SFPQ: variants seen among roughly 807,000 people sequenced by gnomAD.
SFPQ encodes splicing factor, proline- and glutamine-rich.
SFPQ carries 11 observed loss-of-function variants against 72.9 expected under a neutral mutation model. The ratio of observed to expected loss-of-function variants is 0.15; its 90% CI spans 0.09 to 0.25. The LOEUF (loss-of-function observed/expected upper bound fraction) is 0.25, where lower values mean the gene tolerates loss of function less well. SFPQ is among the 10% of genes least tolerant of loss of function. SFPQ has a pLI of 1.00. For missense variants in SFPQ, 847 were observed against 993.3 expected, an observed-to-expected ratio of 0.85 and a Z score of 1.98; for synonymous variants, 506 against 367.3, an observed-to-expected ratio of 1.38 and a Z score of -4.32.
Position 35,183,131 on chromosome 1 carries a change from TC to T in SFPQ, c.*1324del, listed in dbSNP as rs1325967036. 1 of 1,027,352 alleles carries T rather than the reference TC, an allele frequency of 9.7e-7. No homozygotes were observed. Among genetic ancestry groups the T allele is most frequent in the Non-Finnish European group, 1.2e-6 (1 of 855,314 alleles). The allele number at this position is 1,027,352 out of a possible 1,614,324, so 63.6% of individuals were successfully genotyped here. On this transcript the variant is annotated 3_prime_UTR_variant, in exon 10 of 10. Transcript: ENST00000357214. Reference sequence around the variant, plus strand: ...GAAGAGAACCAATAGATTTTTATAGTCCTATAGATTTTGCCCAACAGAAGTA... The same window carrying T: ...GAAGAGAACCAATAGATTTTTATAGTCTATAGATTTTGCCCAACAGAAGTA...
rs1639625495 is a variant in SFPQ at position 35,184,566 on chromosome 1, C to A, written c.2014G>T (p.Ala672Ser). Residue 672 changes from alanine (A) to serine (S), a missense_variant, in exon 10 of 10, where the codon GCG (alanine) becomes TCG (serine). Physicochemically the swap from Ala to Ser is moderately conservative, Grantham distance 99 (BLOSUM62 1). Transcript: ENST00000357214. ...MRTERFGQGGAGPVGGQGPRG... is the reference protein window; with the variant it reads ...MRTERFGQGGSGPVGGQGPRG... Reference sequence around the variant, plus strand: ...GGACCCTGTCCACCCACAGGCCCCGCACCTCCCTGCCCAAAGCGCTCAGTA... The same window carrying A: ...GGACCCTGTCCACCCACAGGCCCCGAACCTCCCTGCCCAAAGCGCTCAGTA... The A allele has an allele frequency of 1.9e-6, 3 of 1,608,610 alleles. No homozygotes were observed. The African/African-American group carries it at 4.0e-5, about 22-fold the overall frequency.
intron 4 of SFPQ, 79 bp from the exon 5 acceptor site, chr1:35,189,461 T>C (rs1639888334): frequency 8.6e-7 from 1 of 1,156,474 alleles, no homozygotes; most frequent in Non-Finnish European, 1.2e-6. Flanking sequence ...CTGATCTTTT[T>C]CCTGTTCTAT....
At chr1:35,182,245 TCCCTA>T (rs1639499147), downstream of SFPQ, 2 of 984,702 alleles carry the variant, frequency 2.0e-6, no homozygotes, top group African/African-American at 3.5e-5. Flanking sequence ...TTTAGTAGAG[TCCCTA>T]CTATATAATT....
intron 4 of SFPQ, among the ~76,000 whole-genome samples, chr1:35,189,584 T>C (rs769482443): frequency 2.6e-5 from 4 of 152,218 alleles, no homozygotes; most frequent in Non-Finnish European, 4.4e-5. Context: ...AGATAAATCC[T>C]ACCTTCCTCG....
chr1:35,191,431 C>A lies in SFPQ; in HGVS notation c.927G>T (p.Thr309=), dbSNP rs1189406342. Residue 309 remains threonine, a synonymous_variant, in exon 2 of 10, where the codon ACG becomes ACT. Transcript: ENST00000357214. ...LFVGNLPADI[T]EDEFKRLFAK... ...CAAATAGTCTTTTGAATTCATCCTC[C>A]GTGATATCAGCAGGTAGATTCCCAA... The A allele has an allele frequency of 1.2e-6, 2 of 1,613,910 alleles. No homozygotes were observed. Among genetic ancestry groups the A allele is most frequent in the African/African-American group, 2.7e-5 (2 of 74,926 alleles).
chr1:35,185,304 T>C (rs1472217261), intron 9 of SFPQ, among the ~76,000 whole-genome samples: 1 of 152,218 alleles, frequency 6.6e-6, no homozygotes, highest in African/African-American at 2.4e-5. Context: ...TTCTCAGTAC[T>C]ATTCTATATT....
rs769822189 is a variant in SFPQ, at chr1:35,190,426, G to A, written c.1415+72C>T. 4.3e-4 allele frequency: 465 copies of A among 1,092,332 alleles called. 1 individual carries two copies. Among genetic ancestry groups the A allele is most frequent in the Middle Eastern group, 1.6e-3 (7 of 4,270 alleles). The allele number at this position is 1,092,332 out of a possible 1,614,324, so 67.7% of individuals were successfully genotyped here. The stretch of plus-strand genomic sequence containing the variant: ...AATTTTGCATATTTTAAGCAAAATT[G>A]GAAAATCACTAAAATAAATTTAACC... On this transcript the variant is annotated intron_variant, in intron 4 of 9. Transcript: ENST00000357214.
Position 35,183,252 on chromosome 1 carries a change from GCT to G in SFPQ, c.*1202_*1203del. 2 of 849,336 alleles carry G rather than the reference GCT, an allele frequency of 2.4e-6. No homozygotes were observed. Among genetic ancestry groups the G allele is most frequent in the Non-Finnish European group, 2.9e-6 (2 of 699,020 alleles). 52.6% of individuals were successfully genotyped at this position (849,336 alleles called of 1,614,324 possible). A position where few individuals can be genotyped will look rare whatever the true frequency, so the allele number is the denominator to read the frequency against. Reference sequence around the variant, plus strand: ...TTTTTTTTTTTTGAGACAGAGTCTCGCTCTGTTGTCCAGGCTGGAGTGCAGTG... The same window carrying G: ...TTTTTTTTTTTTGAGACAGAGTCTCGCTGTTGTCCAGGCTGGAGTGCAGTG... On this transcript the variant is annotated 3_prime_UTR_variant, in exon 10 of 10. Transcript: ENST00000357214.
Position 35,191,488 on chromosome 1 carries a change from C to G in SFPQ, c.870G>C (p.Glu290Asp). ...ANLSLLRRPG[E>D]KTYTQRCRLF... ...ACCGACATCGCTGTGTGTAAGTTTTCTCTCCAGGCCTCCTCAAGAGAGACA... is the reference window on the plus strand; with the variant it reads ...ACCGACATCGCTGTGTGTAAGTTTTGTCTCCAGGCCTCCTCAAGAGAGACA... The change falls in exon 2 of 10, where the codon GAG (glutamate) becomes GAC (aspartate). Residue 290 changes from glutamate to aspartate, a missense_variant. By Grantham distance (45) the Glu-to-Asp change is conservative. Transcript: ENST00000357214. 1 of 1,614,116 alleles carries G rather than the reference C, an allele frequency of 6.2e-7. No homozygotes were observed. The highest frequency in any genetic ancestry group is 8.5e-7 in the Non-Finnish European group (1 of 1,180,012).
At chr1:35,182,665 CAAGAA>C (rs1286070992), downstream of SFPQ, 13 of 985,258 alleles carry the variant, frequency 1.3e-5, no homozygotes, top group African/African-American at 1.7e-5. Context: ...CAATTAGCAC[CAAGAA>C]AAGAGGTGAA....
In SFPQ at chr1:35,191,338, C is replaced by T. The variant is rs1639987788; in HGVS notation, c.1017+3G>A. 1 of 1,612,628 alleles carries T rather than the reference C, an allele frequency of 6.2e-7. No homozygotes were observed. Among genetic ancestry groups the T allele is most frequent in the African/African-American group, 1.3e-5 (1 of 74,978 alleles). ...CTACGTAAAATCAAACAATTACACT[C>T]ACAAGCTTAATAAATCCGAATCCTT... On this transcript the variant is annotated splice_donor_region_variant and intron_variant, in intron 2 of 9. Coordinates refer to ENST00000357214, the MANE Select transcript of SFPQ (RefSeq NM_005066.3).
At chr1:35,178,514 A>C, downstream of SFPQ, 1 of 1,062,286 alleles carries the variant, frequency 9.4e-7, no homozygotes, top group Non-Finnish European at 1.1e-6. Flanking sequence ...CCCACAGTAC[A>C]CAACGCTGTA....
In SFPQ at chr1:35,193,058, T is replaced by A; in HGVS notation, c.-9A>T. 6.4e-7 allele frequency: 1 copy of A among 1,552,678 alleles called. No individual in the cohort carries two copies. Among genetic ancestry groups the A allele is most frequent in the Non-Finnish European group, 8.6e-7 (1 of 1,159,036 alleles). ...AACCGATCCCGAGACATGTCTGTGG[T>A]CAAGGGGCGGTCGAGGCAAAAGCGA... On this transcript the variant is annotated 5_prime_UTR_variant, in exon 1 of 10. Coordinates refer to ENST00000357214, the MANE Select transcript of SFPQ (RefSeq NM_005066.3).
intron 9 of SFPQ, 37 bp downstream of exon 9, chr1:35,186,964 G>GA (rs775008336): frequency 1.3e-6 from 2 of 1,570,328 alleles, no homozygotes; most frequent in East Asian, 4.5e-5. Flanking sequence ...GTGAAAATGA[G>GA]AATTTCCTTG....
At chr1:35,182,619 T>G, downstream of SFPQ, 1 of 985,426 alleles carries the variant, frequency 1.0e-6, no homozygotes, top group Non-Finnish European at 1.2e-6. Flanking sequence ...AACTTCAGCA[T>G]GTTAATAAAG....
chr1:35,185,842 T>C (rs1639688832), intron 9 of SFPQ, among the ~76,000 whole-genome samples: 1 of 152,208 alleles, frequency 6.6e-6, no homozygotes, highest in African/African-American at 2.4e-5. Context: ...TTCATAATTA[T>C]GTTAATTACA....
downstream of SFPQ, chr1:35,179,424 C>A (rs1040961082): frequency 1.9e-6 from 2 of 1,055,566 alleles, no homozygotes; most frequent in African/African-American, 1.7e-5. Flanking sequence ...CCTAACAGTA[C>A]GAAAATACAT....
At chr1:35,191,049 C>T (rs191373525) in intron 2 of SFPQ, 54 bp from the exon 3 acceptor site, 5 of 1,460,310 alleles carry the variant, frequency 3.4e-6, no homozygotes, top group Admixed American at 1.9e-5. Context: ...GATGTCTACT[C>T]TTAAATTGTC....
At chr1:35,191,682 A>C (rs937527021) in intron 1 of SFPQ, among the ~76,000 whole-genome samples, 153 bp from the exon 2 acceptor site, 1 of 152,210 alleles carries the variant, frequency 6.6e-6, no homozygotes, top group African/African-American at 2.4e-5. Context: ...TAACATGAGC[A>C]CTATCTTAAC....
Sources: allele counts gnomAD v4.1 joint callset (sites outside exome capture counted in the v4.1 genomes callset), GRCh38; gene constraint gnomAD v4.1.1; transcripts MANE v1.5; gene names NCBI Gene and HGNC (gene_info 2026-07-23, HGNC 2026-07-21).